The following JMJD1C variants were observed in gnomAD, a reference collection of about 807,000 sequenced individuals.
The protein encoded by JMJD1C is jumonji domain-containing protein 1C.
A neutral mutation model predicts 245.3 loss-of-function variants in JMJD1C; 31 were observed. That is an observed-to-expected ratio of 0.13 (90% confidence interval 0.09 to 0.17). JMJD1C has a LOEUF of 0.17. Among genes scored for constraint, JMJD1C ranks in the 10% least tolerant of loss-of-function variants. The pLI, the probability that JMJD1C is intolerant of heterozygous loss-of-function variation, is 1.00. For missense variants in JMJD1C, 2,691 were observed against 3,000.2 expected (o/e 0.90, Z 2.41); for synonymous variants, 1,057 against 1,017.4 (o/e 1.04, Z -0.74).
At chr10:63,429,883 A>G (rs946595281) in intron 1 of JMJD1C, among the ~76,000 whole-genome samples, 1 of 152,190 alleles carries the variant, frequency 6.6e-6, no homozygotes, top group Non-Finnish European at 1.5e-5. Context: ...TATATATTCA[A>G]CAAACCTATT....
chr10:63,236,658 T>C (rs1850768621), intron 3 of JMJD1C, among the ~76,000 whole-genome samples: 1 of 152,216 alleles, frequency 6.6e-6, no homozygotes, highest in Admixed American at 6.5e-5. Context: ...GCCTGGGAAC[T>C]GTTTAATATT....
intron 1 of JMJD1C, among the ~76,000 whole-genome samples, chr10:63,499,992 A>G (rs757588247): frequency 3.8e-4 from 58 of 152,330 alleles, no homozygotes; most frequent in Admixed American, 8.5e-4. Flanking sequence ...CTTTGTACCT[A>G]AACATATTCA....
intron 1 of JMJD1C, among the ~76,000 whole-genome samples, chr10:63,428,271 C>T (rs561226955): frequency 6.6e-6 from 1 of 152,258 alleles, no homozygotes; most frequent in South Asian, 2.1e-4. Flanking sequence ...AGTTTGCATA[C>T]TAAGAATATT....
intron 1 of JMJD1C, chr10:63,489,560 G>GA: frequency 6.1e-6 from 1 of 164,724 alleles, no homozygotes; most frequent in Non-Finnish European, 1.3e-5. Context: ...TATGCTTTCA[G>GA]AAAAATCTCA....
chr10:63,474,324 G>GT (rs1188429844), intron 1 of JMJD1C, among the ~76,000 whole-genome samples: 11 of 152,224 alleles, frequency 7.2e-5, no homozygotes, highest in Non-Finnish European at 1.2e-4. Context: ...GAGTGGGAGT[G>GT]TAAGAGTGCT....
chr10:63,282,779 C>T (rs1226366631), intron 2 of JMJD1C, among the ~76,000 whole-genome samples: 16 of 152,016 alleles, frequency 1.1e-4, no homozygotes, highest in South Asian at 2.1e-4. Context: ...TGCAGTGGCG[C>T]GATCTCGGCT....
chr10:63,376,951 T>C (rs528090800), intron 2 of JMJD1C, among the ~76,000 whole-genome samples: 15 of 152,312 alleles, frequency 9.8e-5, no homozygotes, highest in Admixed American at 7.2e-4. Context: ...ACACAGAGGC[T>C]TGGGCAGATA....
chr10:63,231,798 A>T (rs918956033), intron 3 of JMJD1C, among the ~76,000 whole-genome samples: 11 of 152,322 alleles, frequency 7.2e-5, no homozygotes, highest in Middle Eastern at 3.4e-3. Context: ...CGTCTAAAAA[A>T]ATATAAAATA....
At chr10:63,507,312 T>C (rs1954747866) in intron 1 of JMJD1C, among the ~76,000 whole-genome samples, 1 of 152,158 alleles carries the variant, frequency 6.6e-6, no homozygotes, top group African/African-American at 2.4e-5. Context: ...GTTAAGAGTA[T>C]GTTTAGTTTT....
chr10:63,459,643 A>G (rs1952648361), intron 1 of JMJD1C, among the ~76,000 whole-genome samples: 1 of 152,244 alleles, frequency 6.6e-6, no homozygotes, highest in Non-Finnish European at 1.5e-5. Flanking sequence ...CATCAGAGTT[A>G]TACAAAAATC....
At chr10:63,301,309 C>A (rs1167436249) in intron 2 of JMJD1C, among the ~76,000 whole-genome samples, 2 of 152,206 alleles carry the variant, frequency 1.3e-5, no homozygotes, top group Non-Finnish European at 2.9e-5. Context: ...ACCACCACAT[C>A]CAGCCTCTGA....
intron 2 of JMJD1C, among the ~76,000 whole-genome samples, chr10:63,374,515 A>G (rs1170512105): frequency 6.6e-6 from 1 of 152,164 alleles, no homozygotes; most frequent in Non-Finnish European, 1.5e-5. Flanking sequence ...TACAACCTTT[A>G]CACAATTTGT....
chr10:63,521,344 G>GGGGC (rs1955227521), intron 1 of JMJD1C: 5 of 147,362 alleles, frequency 3.4e-5, no homozygotes, highest in Admixed American at 2.0e-4. Flanking sequence ...CCGGCGGGCG[G>GGGGC]GGGCGGGCGG....
chr10:63,265,416 G>T (rs1855441917), intron 2 of JMJD1C, among the ~76,000 whole-genome samples: 1 of 152,064 alleles, frequency 6.6e-6, no homozygotes, highest in African/African-American at 2.4e-5. Context: ...TTTAAAAAAA[G>T]TCAATCCAAG....
At chr10:63,515,710 A>G (rs1171683712) in intron 1 of JMJD1C, among the ~76,000 whole-genome samples, 8 of 152,142 alleles carry the variant, frequency 5.3e-5, no homozygotes, top group Admixed American at 4.6e-4. Context: ...CATTTTGTTC[A>G]GTTATTTATT....
chr10:63,336,742 T>C (rs1364707789), intron 2 of JMJD1C, among the ~76,000 whole-genome samples: 6 of 152,158 alleles, frequency 3.9e-5, no homozygotes, highest in Admixed American at 2.6e-4. Context: ...CAATCCGATA[T>C]CAACTTGTCA....
intron 2 of JMJD1C, among the ~76,000 whole-genome samples, chr10:63,376,143 G>A (rs1564849652): frequency 6.6e-6 from 1 of 152,074 alleles, no homozygotes; most frequent in Non-Finnish European, 1.5e-5. Context: ...TGCATATACA[G>A]TCAAAATATT....
At chr10:63,269,078 C>T in intron 2 of JMJD1C, 1 of 985,422 alleles carries the variant, frequency 1.0e-6, no homozygotes, top group South Asian at 4.7e-5. Context: ...TAATTTCTCT[C>T]GAGGTCGCTT....
chr10:63,362,904 G>A (rs907460787), intron 2 of JMJD1C, among the ~76,000 whole-genome samples: 12 of 152,138 alleles, frequency 7.9e-5, no homozygotes, highest in Admixed American at 3.9e-4. Context: ...CACTTTGTGA[G>A]TGAGAGTGGC....
Sources: allele counts gnomAD v4.1 joint callset (sites outside exome capture counted in the v4.1 genomes callset), GRCh38; gene constraint gnomAD v4.1.1; transcripts MANE v1.5; gene names NCBI Gene and HGNC (gene_info 2026-07-23, HGNC 2026-07-21).